Variants in AEBP1 observed in about 807,000 individuals in gnomAD.
AEBP1 encodes the protein AE binding protein 1.
Under a neutral mutation model 116.5 loss-of-function variants are expected in AEBP1, and 69 were observed. The ratio of observed to expected loss-of-function variants is 0.59; its 90% CI spans 0.49 to 0.72. The LOEUF is 0.72. AEBP1 is among the 30% of genes least tolerant of loss of function. AEBP1 has a pLI of 0.00. For synonymous variants in AEBP1, 627 were observed against 627.3 expected (o/e 1.00, Z 0.01); for missense variants, 1,444 against 1,557.5 (o/e 0.93, Z 1.23).
chr7:44,109,946 C>G, intron 9 of AEBP1, 69 bp from the exon 10 acceptor site: 1 of 1,445,590 alleles, frequency 6.9e-7, no homozygotes, highest in Non-Finnish European at 9.5e-7. Flanking sequence ...CTCTGGGCTC[C>G]TTGGTTCTGG....
chr7:44,109,870 G>A, intron 9 of AEBP1, 145 bp from the exon 10 acceptor site: 1 of 709,592 alleles, frequency 1.4e-6, no homozygotes, highest in South Asian at 1.9e-5. Context: ...CTGGTGCAGG[G>A]CACCAGGGAG....
Position 44,112,780 on chromosome 7 carries a change from T to C in AEBP1, c.2440T>C (p.Trp814Arg). 6.2e-7 allele frequency: 1 copy of C among 1,612,882 alleles called. No individual in the cohort carries two copies. Among genetic ancestry groups the C allele is most frequent in the Non-Finnish European group, 8.5e-7 (1 of 1,179,976 alleles). The stretch of plus-strand genomic sequence containing the variant: ...GACTCCAGACCACGCCATCTTCCGG[T>C]GGCTTGCCATCTCCTTCGCCTCCGC... Reference protein sequence around the residue: ...QETPDHAIFRWLAISFASAHL... With the variant: ...QETPDHAIFRRLAISFASAHL... Residue 814 changes from tryptophan to arginine, a missense_variant, in exon 18 of 21, where the codon TGG (tryptophan) becomes CGG (arginine). Coordinates refer to ENST00000223357, the MANE Select transcript of AEBP1 (RefSeq NM_001129.5). The surrounding 1 kb of genome is among the most constrained non-coding windows in gnomAD (Gnocchi z 6.6).
Position 44,113,673 on chromosome 7 carries a change from C to G in AEBP1, c.2889C>G (p.Ser963Arg), listed in dbSNP as rs1218228449. The change falls in exon 21 of 21, where the codon AGC becomes AGG. Residue 963 changes from serine to arginine, a missense_variant. Coordinates refer to ENST00000223357, the MANE Select transcript of AEBP1 (RefSeq NM_001129.5). This position sits in a 1 kb window ranked among gnomAD's most constrained non-coding sequence, Gnocchi z 5.3. The part of the protein sequence containing the change: ...VTAHAEGYTP[S>R]AKTCNVDYDI... The stretch of plus-strand genomic sequence containing the variant: ...CCCACGCGGAGGGCTACACCCCGAG[C>G]GCCAAGACCTGCAATGTTGACTATG... 1 of 1,613,946 alleles carries G rather than the reference C, an allele frequency of 6.2e-7. No homozygotes were observed. The highest frequency in any genetic ancestry group is 1.7e-5 in the Admixed American group (1 of 60,014).
Position 44,107,348 on chromosome 7 carries a change from G to A in AEBP1, c.596-91G>A, listed in dbSNP as rs1454761715. ...TCAGGAGGGTGTCCACAGGCTCTGT[G>A]TGGGCTCTATGGGTGGCTGGTGGCC... On this transcript the variant is annotated intron_variant, in intron 2 of 20. Transcript: ENST00000223357. This position sits in a 1 kb window ranked among gnomAD's most constrained non-coding sequence, Gnocchi z 4.3. The A allele has an allele frequency of 1.5e-6, 2 of 1,314,148 alleles. No homozygotes were observed. Among genetic ancestry groups the A allele is most frequent in the Non-Finnish European group, 2.2e-6 (2 of 914,766 alleles). The allele number at this position is 1,314,148 out of a possible 1,614,324, so 81.4% of individuals were successfully genotyped here.
In AEBP1 at chr7:44,104,596, C is replaced by T. The variant is rs2096220909; in HGVS notation, c.-70C>T. 4 of 1,103,760 alleles carry T rather than the reference C, an allele frequency of 3.6e-6. No homozygotes were observed. Among genetic ancestry groups the T allele is most frequent in the Non-Finnish European group, 4.9e-6 (4 of 822,806 alleles). The allele number at this position is 1,103,760 out of a possible 1,614,324, so 68.4% of individuals were successfully genotyped here. A position where few individuals can be genotyped will look rare whatever the true frequency, so the allele number is the denominator to read the frequency against. On this transcript the variant is annotated 5_prime_UTR_variant, in exon 1 of 21. Coordinates refer to ENST00000223357, the MANE Select transcript of AEBP1 (RefSeq NM_001129.5). Reference sequence around the variant, plus strand: ...CTCACCCGTCTCGATCCCCTCTCCGCCCTTTCCCAGAGACCCAGAGCCCCT... The same window carrying T: ...CTCACCCGTCTCGATCCCCTCTCCGTCCTTTCCCAGAGACCCAGAGCCCCT...
In AEBP1 at chr7:44,113,349, C is replaced by A; in HGVS notation, c.2807C>A (p.Thr936Lys). 6.2e-7 allele frequency: 1 copy of A among 1,611,422 alleles called. No homozygotes were observed. The highest frequency in any genetic ancestry group is 8.5e-7 in the Non-Finnish European group (1 of 1,178,882). ...SVSGINHGVKTASGGDYWRIL... is the reference protein window; with the variant it reads ...SVSGINHGVKKASGGDYWRIL... ...AGTGGCATTAATCACGGCGTGAAGA[C>A]AGGTACCTAGTGTGCACACCTTTAC... The change falls in exon 20 of 21, where the codon ACA becomes AAA. Residue 936 changes from threonine (T) to lysine (K), a missense_variant and splice_region_variant. Physicochemically the swap from Thr to Lys is moderately conservative, Grantham distance 78. Transcript: ENST00000223357. This position sits in a 1 kb window ranked among gnomAD's most constrained non-coding sequence, Gnocchi z 5.3.
Position 44,109,671 on chromosome 7 carries a change from C to T in AEBP1, c.1150+330C>T, listed in dbSNP as rs11975687. ...TATCCCTGCAGGGCCATTGTGCAGA[C>T]GGTCCCCATCTGGATGACATCTGTG... On this transcript the variant is annotated intron_variant, in intron 9 of 20. Coordinates refer to ENST00000223357, the MANE Select transcript of AEBP1 (RefSeq NM_001129.5). 4.2e-3 allele frequency: 2,367 copies of T among 566,550 alleles called. 46 individuals are homozygous for T. Among genetic ancestry groups the T allele is most frequent in the African/African-American group, 0.038 (2,048 of 53,452 alleles). The allele number at this position is 566,550 out of a possible 1,614,324, so 35.1% of individuals were successfully genotyped here.
chr7:44,113,056 A>G lies in AEBP1; in HGVS notation c.2635A>G (p.Lys879Glu). 1 of 1,614,104 alleles carries G rather than the reference A, an allele frequency of 6.2e-7. No homozygotes were observed. The highest frequency in any genetic ancestry group is 8.5e-7 in the Non-Finnish European group (1 of 1,180,010). The change falls in exon 19 of 21, where the codon AAG (lysine) becomes GAG (glutamate). Residue 879 changes from lysine to glutamate, a missense_variant. Lys to Glu is a moderately conservative substitution (Grantham distance 56). Transcript: ENST00000223357. The surrounding 1 kb of genome is among the most constrained non-coding windows in gnomAD (Gnocchi z 5.3). ...GCTCTCCTTCTACCTGGGCTGTGACAAGTTCCCTCATGAGAGTGAGCTGCC... is the reference window on the plus strand; with the variant it reads ...GCTCTCCTTCTACCTGGGCTGTGACGAGTTCCCTCATGAGAGTGAGCTGCC... ...LELSFYLGCD[K>E]FPHESELPRE...
At position 44,112,659 on chromosome 7, in the gene AEBP1, C is replaced by A; in HGVS notation, c.2319C>A (p.Tyr773Ter). ...GCGAGCGGCTAGTATCCTACCCCTA[C>A]GATATGGCCCGCACGCCTACCCAGG... is the stretch of plus-strand genomic sequence containing the variant. Reference protein sequence around the residue: ...NGGERLVSYPYDMARTPTQEQ... With the variant: ...NGGERLVSYP The change falls in exon 18 of 21, where the codon TAC becomes TAA. Residue 773 changes from tyrosine to a stop codon, truncating the protein, a stop_gained. Coordinates refer to ENST00000223357, the MANE Select transcript of AEBP1 (RefSeq NM_001129.5). LOFTEE classifies it high-confidence loss of function. The surrounding 1 kb of genome is among the most constrained non-coding windows in gnomAD (Gnocchi z 6.6). 1 of 1,613,240 alleles carries A rather than the reference C, an allele frequency of 6.2e-7. No individual in the cohort carries two copies. The highest frequency in any genetic ancestry group is 1.3e-5 in the African/African-American group (1 of 75,020).
In AEBP1 at chr7:44,112,183, G is replaced by T; in HGVS notation, c.2079G>T (p.Glu693Asp). ...ACTGGGCGCTGGGACTGTGGACTGAGGAGGGCTTTGACATCTTTGAAGATT... is the reference window on the plus strand; with the variant it reads ...ACTGGGCGCTGGGACTGTGGACTGATGAGGGCTTTGACATCTTTGAAGATT... ...FGNWALGLWT[E>D]EGFDIFEDFP... is the part of the protein sequence containing the mutation. Residue 693 changes from glutamate to aspartate, a missense_variant, in exon 17 of 21, where the codon GAG becomes GAT. Transcript: ENST00000223357. The surrounding 1 kb of genome is among the most constrained non-coding windows in gnomAD (Gnocchi z 6.6). The T allele has an allele frequency of 6.2e-7, 1 of 1,607,180 alleles. No homozygotes were observed. Among genetic ancestry groups the T allele is most frequent in the Non-Finnish European group, 8.5e-7 (1 of 1,174,534 alleles).
Position 44,108,600 on chromosome 7 carries a change from C to A in AEBP1, c.941-299C>A, listed in dbSNP as rs777462301. Reference sequence around the variant, plus strand: ...CCCATCTCACCCCCCAGCCCGCAACCCCAGGCACAGGTGCCAGTTGTCCCT... The same window carrying A: ...CCCATCTCACCCCCCAGCCCGCAACACCAGGCACAGGTGCCAGTTGTCCCT... On this transcript the variant is annotated intron_variant, in intron 6 of 20. Transcript: ENST00000223357. This position sits in a 1 kb window ranked among gnomAD's most constrained non-coding sequence, Gnocchi z 5.0. 3.3e-5 allele frequency among the ~76,000 whole-genome samples: 5 copies of A among 152,216 alleles called. No homozygotes were observed. Among genetic ancestry groups the A allele is most frequent in the Admixed American group, 1.3e-4 (2 of 15,288 alleles).
chr7:44,112,301 T>C lies in AEBP1; in HGVS notation c.2197T>C (p.Tyr733His), dbSNP rs774192457. 11 of 1,561,136 alleles carry C rather than the reference T, an allele frequency of 7.0e-6. No individual in the cohort carries two copies. In the South Asian group the frequency reaches 1.3e-4, roughly 18 times the overall value. The part of the protein sequence containing the change: ...PNNNLPIPER[Y>H]LSPDATVSTE... ...CAATAACTTGCCCATCCCTGAACGC[T>C]ACCTTTCGCCAGATGCCACGGTGAG... Residue 733 changes from tyrosine to histidine, a missense_variant, in exon 17 of 21, where the codon TAC (tyrosine) becomes CAC (histidine). Physicochemically the swap from Tyr to His is moderately conservative, Grantham distance 83. Transcript: ENST00000223357. The surrounding 1 kb of genome is among the most constrained non-coding windows in gnomAD (Gnocchi z 6.6).
Position 44,112,455 on chromosome 7 carries a change from A to T in AEBP1, c.2218-103A>T. 1 of 1,384,546 alleles carries T rather than the reference A, an allele frequency of 7.2e-7. No homozygotes were observed. Among genetic ancestry groups the T allele is most frequent in the Non-Finnish European group, 9.8e-7 (1 of 1,024,766 alleles). The allele number at this position is 1,384,546 out of a possible 1,614,324, so 85.8% of individuals were successfully genotyped here. ...GGCTCTGGGGGTTGGGGGACAGGGG[A>T]TCGTGCGAGTACTGGTGTGAAGCTT... On this transcript the variant is annotated intron_variant, in intron 17 of 20. Transcript: ENST00000223357. The surrounding 1 kb of genome is among the most constrained non-coding windows in gnomAD (Gnocchi z 6.6).
Position 44,106,791 on chromosome 7 carries a change from G to A in AEBP1, c.499G>A (p.Gly167Arg), listed in dbSNP as rs1158826335. 6.2e-7 allele frequency: 1 copy of A among 1,611,256 alleles called. No individual in the cohort carries two copies. Among genetic ancestry groups the A allele is most frequent in the South Asian group, 1.1e-5 (1 of 90,746 alleles). Residue 167 changes from glycine to arginine, a missense_variant, in exon 2 of 21, where the codon GGG (glycine) becomes AGG (arginine). Gly to Arg is a moderately radical substitution (Grantham distance 125). Coordinates refer to ENST00000223357, the MANE Select transcript of AEBP1 (RefSeq NM_001129.5). ...CAAGGCCACCAAGAAGCCCCCGTCA[G>A]GGAAGAGGCCCCCCATTCTGGCTCC... is the stretch of plus-strand genomic sequence containing the variant. ...PPKATKKPPS[G>R]KRPPILAPSE...
chr7:44,107,665 A>T lies in AEBP1; in HGVS notation c.704A>T (p.Tyr235Phe). 3 of 1,613,698 alleles carry T rather than the reference A, an allele frequency of 1.9e-6. 1 individual carries two copies. In the South Asian group the frequency reaches 3.3e-5, roughly 18 times the overall value. The change falls in exon 4 of 21, where the codon TAC (tyrosine) becomes TTC (phenylalanine). Residue 235 changes from tyrosine (Y) to phenylalanine (F), a missense_variant. By Grantham distance (22) the Tyr-to-Phe change is conservative (BLOSUM62 3). Coordinates refer to ENST00000223357, the MANE Select transcript of AEBP1 (RefSeq NM_001129.5). This position sits in a 1 kb window ranked among gnomAD's most constrained non-coding sequence, Gnocchi z 4.3. Reference sequence around the variant, plus strand: ...GAGACCGAGCAACCCACACTGGACTACAATGACCAGATCGAGAGGGAGGAC... The same window carrying T: ...GAGACCGAGCAACCCACACTGGACTTCAATGACCAGATCGAGAGGGAGGAC... ...EEETEQPTLD[Y>F]NDQIEREDYE... is the part of the protein sequence containing the mutation.
At position 44,113,451 on chromosome 7, in the gene AEBP1, C is replaced by G; in HGVS notation, c.2809+100C>G. The G allele has an allele frequency of 2.4e-6, 3 of 1,263,084 alleles. No individual in the cohort carries two copies. The highest frequency in any genetic ancestry group is 8.2e-5 in the East Asian group (2 of 24,268). 78.2% of individuals were successfully genotyped at this position (1,263,084 alleles called of 1,614,324 possible). ...CAGCGAGCAGGTAGAGTCTGGGGAG[C>G]CTGGGGGCGAAATTCAGAGAGGGAG... is the stretch of plus-strand genomic sequence containing the variant. On this transcript the variant is annotated intron_variant, in intron 20 of 20. Transcript: ENST00000223357. This position sits in a 1 kb window ranked among gnomAD's most constrained non-coding sequence, Gnocchi z 5.3.
In AEBP1 at chr7:44,114,456, C is replaced by A. The variant is rs1313778231; in HGVS notation, c.*195C>A. 3 of 668,026 alleles carry A rather than the reference C, an allele frequency of 4.5e-6. No individual in the cohort carries two copies. Among genetic ancestry groups the A allele is most frequent in the Non-Finnish European group, 7.5e-6 (3 of 399,760 alleles). 41.4% of individuals were successfully genotyped at this position (668,026 alleles called of 1,614,324 possible). A position where few individuals can be genotyped will look rare whatever the true frequency, so the allele number is the denominator to read the frequency against. ...CTAAGAGCCAGAGGCTGTGTAGAGG[C>A]TCCTGCTCCACCTGCCAGTCTCGTA... On this transcript the variant is annotated 3_prime_UTR_variant, in exon 21 of 21. Coordinates refer to ENST00000223357, the MANE Select transcript of AEBP1 (RefSeq NM_001129.5).
Position 44,112,847 on chromosome 7 carries a change from C to A in AEBP1, c.2507C>A (p.Ala836Asp). 6.2e-7 allele frequency: 1 copy of A among 1,612,742 alleles called. No homozygotes were observed. Among genetic ancestry groups the A allele is most frequent in the Non-Finnish European group, 8.5e-7 (1 of 1,179,930 alleles). Residue 836 changes from alanine to aspartate, a missense_variant, in exon 18 of 21, where the codon GCC becomes GAC. By Grantham distance (126) the Ala-to-Asp change is moderately radical. Coordinates refer to ENST00000223357, the MANE Select transcript of AEBP1 (RefSeq NM_001129.5). This position sits in a 1 kb window ranked among gnomAD's most constrained non-coding sequence, Gnocchi z 6.6. ...LTEPYRGGCQ[A>D]QDYTGGMGIV... ...GAGCCCTACCGCGGAGGCTGCCAAG[C>A]CCAGGACTACACCGGCGGCATGGGC...
chr7:44,112,541 C>T lies in AEBP1; in HGVS notation c.2218-17C>T, dbSNP rs1216792785. 4.5e-6 allele frequency: 7 copies of T among 1,557,176 alleles called. No individual in the cohort carries two copies. The highest frequency in any genetic ancestry group is 6.1e-6 in the Non-Finnish European group (7 of 1,145,970). On this transcript the variant is annotated splice_polypyrimidine_tract_variant and intron_variant, in intron 17 of 20. Coordinates refer to ENST00000223357, the MANE Select transcript of AEBP1 (RefSeq NM_001129.5). This position sits in a 1 kb window ranked among gnomAD's most constrained non-coding sequence, Gnocchi z 6.6. ...CCGGAGCTGCAGCCCTGGCCTCACACGTGCTGGCCACTCCAGGTATCCACG... is the reference window on the plus strand; with the variant it reads ...CCGGAGCTGCAGCCCTGGCCTCACATGTGCTGGCCACTCCAGGTATCCACG...
Sources: allele counts gnomAD v4.1 joint callset (sites outside exome capture counted in the v4.1 genomes callset), GRCh38; gene constraint gnomAD v4.1.1; non-coding constraint Gnocchi (gnomAD v3.1); transcripts MANE v1.5; gene names NCBI Gene and HGNC (gene_info 2026-07-23, HGNC 2026-07-21).